Variants in CNTNAP2 observed in about 807,000 individuals in gnomAD.
CNTNAP2 encodes contactin-associated protein-like 2.
CNTNAP2 carries 98 observed loss-of-function variants against 155.2 expected under a neutral mutation model. That is an observed-to-expected ratio of 0.63 (90% CI 0.54 to 0.75). The LOEUF (loss-of-function observed/expected upper bound fraction) is 0.75, where lower values mean the gene tolerates loss of function less well. Ranked by LOEUF, CNTNAP2 falls within the 30% of genes least tolerant of loss-of-function variation. The pLI is 0.00. For synonymous variants in CNTNAP2, 651 were observed against 631.2 expected (o/e 1.03, Z -0.47); for missense variants, 1,727 against 1,688.1 (o/e 1.02, Z -0.40).
intron 1 of CNTNAP2, among the ~76,000 whole-genome samples, chr7:146,758,459 A>G (rs775113064): frequency 2.0e-5 from 3 of 151,870 alleles, no homozygotes; most frequent in Non-Finnish European, 2.9e-5. Flanking sequence ...TGTATTGGTG[A>G]TTTTCATGCT....
intron 16 of CNTNAP2, among the ~76,000 whole-genome samples, chr7:148,140,725 G>T (rs1304336059): frequency 6.6e-6 from 1 of 152,108 alleles, no homozygotes; most frequent in Non-Finnish European, 1.5e-5. Context: ...CCCAGCCCAG[G>T]CCCCATCTTA....
At chr7:147,142,716 A>G (rs771842427) in intron 8 of CNTNAP2, among the ~76,000 whole-genome samples, 10 of 152,194 alleles carry the variant, frequency 6.6e-5, no homozygotes, top group Non-Finnish European at 1.5e-4. Flanking sequence ...ACTAACCTGC[A>G]TGTTGTGCAC....
At chr7:146,771,053 C>T (rs1802285772) in intron 1 of CNTNAP2, among the ~76,000 whole-genome samples, 1 of 152,110 alleles carries the variant, frequency 6.6e-6, no homozygotes, top group Non-Finnish European at 1.5e-5. Context: ...GCTACCTGAT[C>T]ATTTTGTCAA....
intron 12 of CNTNAP2, among the ~76,000 whole-genome samples, chr7:147,566,954 T>A (rs1424116023): frequency 1.3e-5 from 2 of 152,106 alleles, no homozygotes; most frequent in Non-Finnish European, 2.9e-5. Flanking sequence ...ACTGCTTGGA[T>A]CCTAGAGAAT....
At chr7:146,457,849 T>C (rs1277287416) in intron 1 of CNTNAP2, among the ~76,000 whole-genome samples, 1 of 152,036 alleles carries the variant, frequency 6.6e-6, no homozygotes, top group Non-Finnish European at 1.5e-5. Flanking sequence ...ATTATTTTTA[T>C]TTATTTCTCA....
chr7:148,169,626 G>A (rs529727774), intron 17 of CNTNAP2, among the ~76,000 whole-genome samples: 2 of 152,292 alleles, frequency 1.3e-5, no homozygotes, highest in East Asian at 3.9e-4. Flanking sequence ...ATGCTATGCA[G>A]ATACTAAGCA....
intron 4 of CNTNAP2, among the ~76,000 whole-genome samples, chr7:147,097,219 C>T (rs1800554941): frequency 6.6e-6 from 1 of 152,090 alleles, no homozygotes; most frequent in Non-Finnish European, 1.5e-5. Flanking sequence ...TGCTACTCGT[C>T]CTGACAAATT....
At chr7:146,691,069 A>G (rs1315471885) in intron 1 of CNTNAP2, among the ~76,000 whole-genome samples, 1 of 152,158 alleles carries the variant, frequency 6.6e-6, no homozygotes, top group Non-Finnish European at 1.5e-5. Flanking sequence ...CCTGCATGTT[A>G]TATGATGCAT....
chr7:147,903,732 G>A lies in CNTNAP2; in HGVS notation c.2255+11G>A. On this transcript the variant is annotated intron_variant, in intron 14 of 23. Transcript: ENST00000361727. ...GGACTACAAGCAATGGTGAGTGCCT[G>A]CGGGCAGCACAGCCAGGCTCACCCT... 6.2e-7 allele frequency: 1 copy of A among 1,613,056 alleles called. No homozygotes were observed. Among genetic ancestry groups the A allele is most frequent in the Non-Finnish European group, 8.5e-7 (1 of 1,179,618 alleles).
chr7:146,953,445 C>A (rs1230704797), intron 3 of CNTNAP2, among the ~76,000 whole-genome samples: 1 of 151,866 alleles, frequency 6.6e-6, no homozygotes, highest in Non-Finnish European at 1.5e-5. Flanking sequence ...GATGACATCT[C>A]GTTTTACATA....
chr7:146,295,477 T>C (rs2129087328), intron 1 of CNTNAP2, among the ~76,000 whole-genome samples: 1 of 152,250 alleles, frequency 6.6e-6, no homozygotes, highest in South Asian at 2.1e-4. Flanking sequence ...CAAATTTAGA[T>C]TGAGAATTGT....
At chr7:146,392,712 C>G (rs535832963) in intron 1 of CNTNAP2, among the ~76,000 whole-genome samples, 2 of 152,242 alleles carry the variant, frequency 1.3e-5, no homozygotes, top group East Asian at 3.9e-4. Flanking sequence ...GGAACAGTTT[C>G]TTAACATTCC....
chr7:147,003,356 A>G (rs762007695), intron 3 of CNTNAP2, among the ~76,000 whole-genome samples: 3 of 152,006 alleles, frequency 2.0e-5, no homozygotes, highest in African/African-American at 7.2e-5. Flanking sequence ...AAAAGTAGCA[A>G]GTTAAAAAGG....
intron 8 of CNTNAP2, among the ~76,000 whole-genome samples, chr7:147,211,461 A>G (rs1045654845): frequency 1.3e-5 from 2 of 152,086 alleles, no homozygotes; most frequent in South Asian, 4.1e-4. Flanking sequence ...TGGCACAAAA[A>G]CAGGCACATA....
chr7:146,894,207 T>C (rs1398778508), intron 3 of CNTNAP2, among the ~76,000 whole-genome samples: 23 of 152,188 alleles, frequency 1.5e-4, no homozygotes, highest in Admixed American at 1.5e-3. Flanking sequence ...GGAAACAATA[T>C]ATTCTCTGTC....
At chr7:146,766,463 G>A (rs1446195833) in intron 1 of CNTNAP2, among the ~76,000 whole-genome samples, 1 of 152,118 alleles carries the variant, frequency 6.6e-6, no homozygotes, top group Non-Finnish European at 1.5e-5. Flanking sequence ...TATTAGGTCT[G>A]TGTAGCCCAG....
chr7:147,051,397 T>G (rs1799471729), intron 4 of CNTNAP2, among the ~76,000 whole-genome samples: 1 of 151,918 alleles, frequency 6.6e-6, no homozygotes, highest in Non-Finnish European at 1.5e-5. Context: ...ATTCAGGCAT[T>G]TAGAAACAAC....
intron 1 of CNTNAP2, among the ~76,000 whole-genome samples, chr7:146,624,043 C>T (rs887540769): frequency 6.6e-6 from 1 of 151,982 alleles, no homozygotes; most frequent in Non-Finnish European, 1.5e-5. Flanking sequence ...GTTTACTTGT[C>T]ATCTCTATAT....
intron 11 of CNTNAP2, among the ~76,000 whole-genome samples, chr7:147,561,478 G>A (rs1800063233): frequency 6.6e-6 from 1 of 152,002 alleles, no homozygotes; most frequent in African/African-American, 2.4e-5. Context: ...TTTGTCATGA[G>A]CACTGGAATA....
Sources: gnomAD v4.1 joint callset for allele counts (sites outside exome capture counted in the v4.1 genomes callset) on GRCh38, gnomAD v4.1.1 for gene constraint, MANE v1.5 for transcripts, NCBI Gene and HGNC (gene_info 2026-07-23, HGNC 2026-07-21) for gene names.